The following MAN1A2 variants were observed in gnomAD, a reference collection of about 807,000 sequenced individuals.
MAN1A2 encodes mannosyl-oligosaccharide 1,2-alpha-mannosidase IB.
In MAN1A2, 26 loss-of-function variants were observed where a neutral mutation model predicts 75.7. The observed-to-expected ratio is 0.34, with a 90% CI of 0.25 to 0.48. MAN1A2 has a LOEUF of 0.48. Among genes scored for constraint, MAN1A2 ranks in the 20% least tolerant of loss-of-function variants. The pLI, the probability that MAN1A2 is intolerant of heterozygous loss-of-function variation, is 0.99. For synonymous variants in MAN1A2, 247 were observed against 264.6 expected, an observed-to-expected ratio of 0.93 and a Z score of 0.65; for missense variants, 562 against 775.5, an observed-to-expected ratio of 0.72 and a Z score of 3.27.
At chr1:117,522,197 CAG>C (rs538172125) in intron 12 of MAN1A2, among the ~76,000 whole-genome samples, 58 of 151,912 alleles carry the variant, frequency 3.8e-4, no homozygotes, top group Non-Finnish European at 6.2e-4. Flanking sequence ...TGAATGACAG[CAG>C]AGTCCTCATC....
chr1:117,377,151 C>T (rs570208296), intron 1 of MAN1A2, among the ~76,000 whole-genome samples: 5 of 152,084 alleles, frequency 3.3e-5, no homozygotes, highest in Non-Finnish European at 4.4e-5. Context: ...TGACTTTTTT[C>T]CAATTAGTTG....
chr1:117,426,719 T>C (rs770114988), intron 5 of MAN1A2, among the ~76,000 whole-genome samples: 9 of 152,182 alleles, frequency 5.9e-5, no homozygotes, highest in Admixed American at 5.2e-4. Flanking sequence ...TGAATACTTA[T>C]TGCTTTCATA....
chr1:117,480,028 A>T, intron 8 of MAN1A2, among the ~76,000 whole-genome samples: 1 of 151,904 alleles, frequency 6.6e-6, no homozygotes, highest in Non-Finnish European at 1.5e-5. Context: ...TCTGGCTGGT[A>T]TGAACATCCA....
chr1:117,490,567 A>C (rs1570787208), intron 8 of MAN1A2, among the ~76,000 whole-genome samples: 1 of 152,048 alleles, frequency 6.6e-6, no homozygotes, highest in Non-Finnish European at 1.5e-5. Flanking sequence ...TAATAACCCT[A>C]TAATGTACAC....
intron 1 of MAN1A2, among the ~76,000 whole-genome samples, chr1:117,398,895 T>G (rs1358445108): frequency 6.6e-6 from 1 of 152,186 alleles, no homozygotes; most frequent in Admixed American, 6.5e-5. Flanking sequence ...ATTGGGTCTA[T>G]AGTATGGATG....
Position 117,402,267 on chromosome 1 carries a change from G to A in MAN1A2, c.384G>A (p.Lys128=), listed in dbSNP as rs760326960. Reference sequence around the variant, plus strand: ...AAGAAGCAAAAGAAAAATTAAGAAAGTCAAGAGAGGAAATTCGAGCAGAAA... The same window carrying A: ...AAGAAGCAAAAGAAAAATTAAGAAAATCAAGAGAGGAAATTCGAGCAGAAA... ...ALEEAKEKLR[K]SREEIRAEIQ... Residue 128 remains lysine (K), a synonymous_variant, in exon 2 of 13, where the codon AAG becomes AAA. Coordinates refer to ENST00000356554, the MANE Select transcript of MAN1A2 (RefSeq NM_006699.5). 50 of 1,613,720 alleles carry A rather than the reference G, an allele frequency of 3.1e-5. No homozygotes were observed. The highest frequency in any genetic ancestry group is 3.8e-5 in the Non-Finnish European group (45 of 1,179,808).
chr1:117,488,546 G>C (rs1171377523), intron 8 of MAN1A2, among the ~76,000 whole-genome samples: 1 of 152,000 alleles, frequency 6.6e-6, no homozygotes. Context: ...CAAATTTATG[G>C]TGATAATAGA....
chr1:117,445,864 G>GTGTGTC (rs1311405183), intron 6 of MAN1A2, among the ~76,000 whole-genome samples: 1 of 99,450 alleles, frequency 1.0e-5, no homozygotes, highest in Non-Finnish European at 2.4e-5. Flanking sequence ...GTGTGTATGT[G>GTGTGTC]TGTGTGTGTC....
At chr1:117,421,447 TC>T (rs58213372) in intron 5 of MAN1A2, among the ~76,000 whole-genome samples, 1 of 151,960 alleles carries the variant, frequency 6.6e-6, no homozygotes, top group Non-Finnish European at 1.5e-5. Flanking sequence ...GATTTTTTTT[TC>T]CCCCCAGTGT....
chr1:117,438,603 G>A (rs1383671309), intron 5 of MAN1A2, among the ~76,000 whole-genome samples: 3 of 152,116 alleles, frequency 2.0e-5, no homozygotes, highest in East Asian at 1.9e-4. Context: ...TGCAGGTTTC[G>A]TTCATGGTCA....
intron 8 of MAN1A2, among the ~76,000 whole-genome samples, chr1:117,483,702 C>A (rs10801960): frequency 0.49 from 73,519 of 151,526 alleles, 17,951 homozygotes; most frequent in South Asian, 0.58. Flanking sequence ...ATTTGACTTC[C>A]TTTCCTAATT....
intron 6 of MAN1A2, 142 bp downstream of exon 6, chr1:117,442,467 A>G: frequency 1.2e-5 from 7 of 584,724 alleles, no homozygotes; most frequent in Non-Finnish European, 3.0e-6. Context: ...TCTTTTGTGT[A>G]TATGCATAAA....
rs553808853 is a variant in MAN1A2 at position 117,494,013 on chromosome 1, C to T, written c.1284+751C>T. ...TATTTTCTACATGCCAGGCACTGTTCTAACCCTTCTTACATATATGAGATC... is the reference window on the plus strand; with the variant it reads ...TATTTTCTACATGCCAGGCACTGTTTTAACCCTTCTTACATATATGAGATC... On this transcript the variant is annotated intron_variant, in intron 9 of 12. Coordinates refer to ENST00000356554, the MANE Select transcript of MAN1A2 (RefSeq NM_006699.5). 3.9e-5 allele frequency: 6 copies of T among 152,110 alleles called. No homozygotes were observed. The East Asian group carries it at 9.7e-4, about 25-fold the overall frequency. The allele number at this position is 152,110 out of a possible 1,614,324, so 9.4% of individuals were successfully genotyped here. A position where few individuals can be genotyped will look rare whatever the true frequency, so the allele number is the denominator to read the frequency against.
Position 117,492,601 on chromosome 1 carries a change from G to C in MAN1A2, c.1169-546G>C, listed in dbSNP as rs78739172. 9.9e-5 allele frequency among the ~76,000 whole-genome samples: 15 copies of C among 151,976 alleles called. 1 individual carries two copies. The East Asian group carries it at 2.9e-3, about 30-fold the overall frequency. On this transcript the variant is annotated intron_variant, in intron 8 of 12. Transcript: ENST00000356554. ...AAATTTGTATGAATAGTAATCAAGG[G>C]GAGCAAGTCAACAGCTACTTATGTT...
At chr1:117,423,946 G>A (rs988046522) in intron 5 of MAN1A2, among the ~76,000 whole-genome samples, 2 of 149,738 alleles carry the variant, frequency 1.3e-5, no homozygotes, top group African/African-American at 4.9e-5. Context: ...GCAATGGCGC[G>A]ATCACAGCTC....
At chr1:117,481,971 A>C (rs926625092) in intron 8 of MAN1A2, among the ~76,000 whole-genome samples, 1 of 151,896 alleles carries the variant, frequency 6.6e-6, no homozygotes, top group African/African-American at 2.4e-5. Flanking sequence ...TTACAGGATG[A>C]CAAAATTTGC....
intron 1 of MAN1A2, among the ~76,000 whole-genome samples, chr1:117,380,293 A>G (rs1033340637): frequency 6.6e-6 from 1 of 152,130 alleles, no homozygotes; most frequent in Non-Finnish European, 1.5e-5. Context: ...TTTTGAAGGA[A>G]CGTCTATCCA....
In MAN1A2 at chr1:117,415,024, AAT is replaced by A. The variant is rs146882862; in HGVS notation, c.774+206_774+207del. On this transcript the variant is annotated intron_variant, in intron 4 of 12. Coordinates refer to ENST00000356554, the MANE Select transcript of MAN1A2 (RefSeq NM_006699.5). The stretch of plus-strand genomic sequence containing the variant: ...GGGTTGACCTCTCATGAATGGAAAA[AAT>A]ATATATATATATTTTAAAGTTGAGT... Among the ~76,000 whole-genome samples, 632 of 151,682 alleles carry A rather than the reference AAT, an allele frequency of 4.2e-3. 11 individuals are homozygous for A. The highest frequency in any genetic ancestry group is 0.041 in the East Asian group (213 of 5,176).
At chr1:117,474,356 A>G (rs1006421758) in intron 8 of MAN1A2, among the ~76,000 whole-genome samples, 1 of 150,432 alleles carries the variant, frequency 6.6e-6, no homozygotes, top group Non-Finnish European at 1.5e-5. Flanking sequence ...TACAATTTCC[A>G]GTTTTATGTG....
Sources: allele counts gnomAD v4.1 joint callset (sites outside exome capture counted in the v4.1 genomes callset), GRCh38; gene constraint gnomAD v4.1.1; transcripts MANE v1.5; gene names NCBI Gene and HGNC (gene_info 2026-07-23, HGNC 2026-07-21).